TMEM132C: variants seen among roughly 807,000 people sequenced by gnomAD.
TMEM132C encodes protein phosphatase 1, regulatory subunit 152.
TMEM132C carries 29 observed loss-of-function variants against 61.4 expected under a neutral mutation model. That is an observed-to-expected ratio of 0.47 (90% CI 0.35 to 0.64). The LOEUF (loss-of-function observed/expected upper bound fraction) is 0.64, where lower values mean the gene tolerates loss of function less well. TMEM132C is among the 30% of genes least tolerant of loss of function. TMEM132C has a pLI of 0.00. For synonymous variants in TMEM132C, 656 were observed against 633.1 expected, an observed-to-expected ratio of 1.04 and a Z score of -0.54; for missense variants, 1,408 against 1,476.9, an observed-to-expected ratio of 0.95 and a Z score of 0.76.
chr12:128,272,393 C>T (rs7973997), intron 1 of TMEM132C, among the ~76,000 whole-genome samples: 45,280 of 152,044 alleles, frequency 0.3, 7,568 homozygotes, highest in Middle Eastern at 0.4. Flanking sequence ...ATTGAATGAA[C>T]GCACCACAGT....
At chr12:128,540,238 C>A (rs12810781) in intron 2 of TMEM132C, among the ~76,000 whole-genome samples, 1 of 151,812 alleles carries the variant, frequency 6.6e-6, no homozygotes, top group Non-Finnish European at 1.5e-5. Flanking sequence ...TTAGTGAATG[C>A]GAATGATTCT....
Position 128,560,193 on chromosome 12 carries a change from G to T in TMEM132C, c.1121+16090G>T, listed in dbSNP as rs370794731. ...GCCCAGGCGACAGAAGCTGCAGTAA[G>T]CCCTGATGGTGCCATTGCACTCCAG... On this transcript the variant is annotated intron_variant, in intron 3 of 8. Transcript: ENST00000435159. Among the ~76,000 whole-genome samples the T allele has an allele frequency of 9.2e-5, 14 of 152,344 alleles. No homozygotes were observed. In the East Asian group the frequency reaches 2.3e-3, roughly 25 times the overall value.
At chr12:128,523,548 GTCTA>G (rs1872978363) in intron 2 of TMEM132C, among the ~76,000 whole-genome samples, 1 of 152,082 alleles carries the variant, frequency 6.6e-6, no homozygotes, top group East Asian at 1.9e-4. Flanking sequence ...GTTGCCAAGG[GTCTA>G]TCTTTCTCTC....
chr12:128,307,460 A>G (rs1028917476), intron 1 of TMEM132C, among the ~76,000 whole-genome samples: 1 of 152,086 alleles, frequency 6.6e-6, no homozygotes, highest in Non-Finnish European at 1.5e-5. Flanking sequence ...CAGCAAAGCT[A>G]TTAAGGACCC....
chr12:128,474,382 T>C (rs939707129), intron 2 of TMEM132C, among the ~76,000 whole-genome samples: 4 of 152,114 alleles, frequency 2.6e-5, no homozygotes, highest in Non-Finnish European at 4.4e-5. Context: ...GCTCCCTCAA[T>C]TGTTGCTCAA....
At chr12:128,597,084 C>G (rs1288163085) in intron 3 of TMEM132C, among the ~76,000 whole-genome samples, 2 of 152,314 alleles carry the variant, frequency 1.3e-5, no homozygotes, top group Middle Eastern at 3.4e-3. Context: ...ACTTTTGCTT[C>G]TCCAAATCAG....
chr12:128,660,917 GTAGA>G (rs1032909246), intron 4 of TMEM132C, among the ~76,000 whole-genome samples: 1 of 152,198 alleles, frequency 6.6e-6, no homozygotes, highest in Non-Finnish European at 1.5e-5. Flanking sequence ...AGGTAGGTAG[GTAGA>G]TAGACAGATA....
At chr12:128,569,360 C>A (rs1874799617) in intron 3 of TMEM132C, among the ~76,000 whole-genome samples, 1 of 152,140 alleles carries the variant, frequency 6.6e-6, no homozygotes, top group South Asian at 2.1e-4. Context: ...CTTCGGTCTC[C>A]TTCCTGCAGC....
intron 2 of TMEM132C, among the ~76,000 whole-genome samples, chr12:128,538,365 C>G (rs1296936207): frequency 6.6e-6 from 1 of 152,188 alleles, no homozygotes; most frequent in Non-Finnish European, 1.5e-5. Flanking sequence ...CTCAGGTGAT[C>G]TGCCCGTGTT....
intron 2 of TMEM132C, among the ~76,000 whole-genome samples, chr12:128,421,121 T>C (rs1053381232): frequency 6.6e-6 from 1 of 152,118 alleles, no homozygotes; most frequent in African/African-American, 2.4e-5. Context: ...TTGTACCCAA[T>C]AGGTAACTTT....
rs145960152 is a variant in TMEM132C at position 128,323,536 on chromosome 12, G to A, written c.85+56049G>A. ...AATAGAAAAATCAATATAGCAAGAG[G>A]CGAATCTTTGCTGTGATAACATTGG... On this transcript the variant is annotated intron_variant, in intron 1 of 8. Transcript: ENST00000435159. Among the ~76,000 whole-genome samples the A allele has an allele frequency of 5.0e-3, 758 of 152,336 alleles. 2 individuals are homozygous for A. Among genetic ancestry groups the A allele is most frequent in the Middle Eastern group, 0.01 (3 of 294 alleles).
At chr12:128,636,407 T>C (rs540926846) in intron 4 of TMEM132C, among the ~76,000 whole-genome samples, 1 of 152,300 alleles carries the variant, frequency 6.6e-6, no homozygotes, top group African/African-American at 2.4e-5. Flanking sequence ...ATCAAAAATC[T>C]GCACATGTTT....
chr12:128,582,541 T>C (rs1165046739), intron 3 of TMEM132C, among the ~76,000 whole-genome samples: 2 of 151,948 alleles, frequency 1.3e-5, no homozygotes, highest in Non-Finnish European at 2.9e-5. Context: ...TGGGAGGGAC[T>C]TGGTGGGAGA....
At chr12:128,371,510 G>A (rs979012110) in intron 1 of TMEM132C, among the ~76,000 whole-genome samples, 3 of 152,136 alleles carry the variant, frequency 2.0e-5, no homozygotes, top group Non-Finnish European at 4.4e-5. Flanking sequence ...GAAATGTTGA[G>A]GCTTCCAACT....
chr12:128,385,540 G>A (rs928196358), intron 1 of TMEM132C, among the ~76,000 whole-genome samples: 2 of 152,226 alleles, frequency 1.3e-5, no homozygotes, highest in African/African-American at 4.8e-5. Flanking sequence ...TTCAACTGAT[G>A]TGAGGGCCGC....
At chr12:128,549,319 G>A (rs982708185) in intron 3 of TMEM132C, among the ~76,000 whole-genome samples, 19 of 152,120 alleles carry the variant, frequency 1.2e-4, no homozygotes, top group Non-Finnish European at 2.4e-4. Context: ...ACGAGGCCAG[G>A]CCATGGGGTG....
intron 2 of TMEM132C, among the ~76,000 whole-genome samples, chr12:128,485,205 C>G (rs981686962): frequency 6.6e-6 from 1 of 152,154 alleles, no homozygotes; most frequent in Admixed American, 6.5e-5. Flanking sequence ...GAAACAAATT[C>G]CTGCTCTGTT....
At chr12:128,506,501 G>T (rs1212268583) in intron 2 of TMEM132C, among the ~76,000 whole-genome samples, 1 of 152,194 alleles carries the variant, frequency 6.6e-6, no homozygotes, top group Non-Finnish European at 1.5e-5. Flanking sequence ...GGACATAGGA[G>T]GGGGCTCTGG....
intron 3 of TMEM132C, among the ~76,000 whole-genome samples, chr12:128,550,412 C>G (rs916642518): frequency 6.6e-6 from 1 of 152,032 alleles, no homozygotes; most frequent in Non-Finnish European, 1.5e-5. Flanking sequence ...AAGCGATCCT[C>G]CTCTCAAGCG....
Sources: allele counts gnomAD v4.1 joint callset (sites outside exome capture counted in the v4.1 genomes callset), GRCh38; gene constraint gnomAD v4.1.1; transcripts MANE v1.5; gene names NCBI Gene and HGNC (gene_info 2026-07-23, HGNC 2026-07-21).